Variants in SDK2 observed in about 807,000 individuals in gnomAD.
SDK2 encodes the protein protein sidekick-2.
SDK2 carries 105 observed loss-of-function variants against 253.9 expected under a neutral mutation model. That is an observed-to-expected ratio of 0.41 (90% confidence interval 0.35 to 0.49). The LOEUF (loss-of-function observed/expected upper bound fraction) is 0.49. Among genes scored for constraint, SDK2 ranks in the 20% least tolerant of loss-of-function variants. SDK2 has a pLI of 0.06. For synonymous variants in SDK2, 1,249 were observed against 1,234.9 expected (o/e 1.01, Z -0.24); for missense variants, 2,608 against 3,003.0 (o/e 0.87, Z 3.07).
At chr17:73,595,514 G>A (rs769232816) in intron 1 of SDK2, among the ~76,000 whole-genome samples, 4 of 152,138 alleles carry the variant, frequency 2.6e-5, no homozygotes, top group Admixed American at 6.5e-5. Context: ...ACCCAGCCTC[G>A]GGTCATCAGA....
intron 2 of SDK2, among the ~76,000 whole-genome samples, chr17:73,483,671 AT>A (rs2063747882): frequency 1.4e-5 from 1 of 70,690 alleles, no homozygotes; most frequent in Non-Finnish European, 2.5e-5. Context: ...GTATATATAT[AT>A]ATATATATAT....
chr17:73,452,136 C>T (rs1365558311), intron 4 of SDK2, among the ~76,000 whole-genome samples: 2 of 152,072 alleles, frequency 1.3e-5, no homozygotes, highest in South Asian at 2.1e-4. Flanking sequence ...GTGTCCAAAG[C>T]CCCCAGCATG....
At chr17:73,552,366 T>C (rs7225513) in intron 1 of SDK2, among the ~76,000 whole-genome samples, 1,588 of 152,322 alleles carry the variant, frequency 0.01, 34 homozygotes, top group African/African-American at 0.036. Context: ...TTATTATTCA[T>C]TTGTGAAACA....
intron 36 of SDK2, among the ~76,000 whole-genome samples, chr17:73,374,282 C>G (rs2062759143): frequency 6.9e-6 from 1 of 144,628 alleles, no homozygotes; most frequent in Non-Finnish European, 1.5e-5. Context: ...ACATGCATCT[C>G]TGACTCTGTT....
At chr17:73,558,525 T>G (rs2045180068) in intron 1 of SDK2, among the ~76,000 whole-genome samples, 1 of 152,058 alleles carries the variant, frequency 6.6e-6, no homozygotes, top group Non-Finnish European at 1.5e-5. Context: ...CATGGCACTT[T>G]AAAATGTTCA....
At chr17:73,482,143 C>T (rs1020493025) in intron 2 of SDK2, among the ~76,000 whole-genome samples, 2 of 152,072 alleles carry the variant, frequency 1.3e-5, no homozygotes, top group South Asian at 2.1e-4. Flanking sequence ...GGCATGGTGG[C>T]GTGTGCCTGT....
rs568752304 is a variant in SDK2 at position 73,541,133 on chromosome 17, G to T, written c.65-33536C>A. 1.3e-5 allele frequency among the ~76,000 whole-genome samples: 2 copies of T among 152,222 alleles called. No homozygotes were observed. The highest frequency in any genetic ancestry group is 4.8e-5 in the African/African-American group (2 of 41,450). ...CCCTCCCGCTACTCCTGGCCAAAGT[G>T]GTATGAGCACCCTCAGAGCAGCTGT... On this transcript the variant is annotated intron_variant, in intron 1 of 44. Coordinates refer to ENST00000392650, the MANE Select transcript of SDK2 (RefSeq NM_001144952.2). The surrounding 1 kb of genome is among the most constrained non-coding windows in gnomAD (Gnocchi z 4.3).
chr17:73,643,980 C>A lies in SDK2; in HGVS notation c.64+45G>T. The A allele has an allele frequency of 7.6e-7, 1 of 1,323,480 alleles. No individual in the cohort carries two copies. Among genetic ancestry groups the A allele is most frequent in the South Asian group, 1.3e-5 (1 of 78,404 alleles). The allele number at this position is 1,323,480 out of a possible 1,614,324, so 82.0% of individuals were successfully genotyped here. A position where few individuals can be genotyped will look rare whatever the true frequency, so the allele number is the denominator to read the frequency against. ...GCTCCCGCCGCCCCTCCCCCGCCCA[C>A]TCTCCCAGCCCCCTCCCTGTCCCCA... On this transcript the variant is annotated intron_variant, in intron 1 of 44. Coordinates refer to ENST00000392650, the MANE Select transcript of SDK2 (RefSeq NM_001144952.2). This position sits in a 1 kb window ranked among gnomAD's most constrained non-coding sequence, Gnocchi z 6.9.
In SDK2 at chr17:73,445,698, T is replaced by TGGCAGGCAGGCAGGCA. The variant is rs35240393; in HGVS notation, c.613+1901_613+1916dup. ...CGTCAATTGCTCCTCACAAATTGGT[T>TGGCAGGCAGGCAGGCA]GGCAGGCAGGCAGGCAGGCAGGCAG... is the stretch of plus-strand genomic sequence containing the variant. On this transcript the variant is annotated intron_variant, in intron 5 of 44. Coordinates refer to ENST00000392650, the MANE Select transcript of SDK2 (RefSeq NM_001144952.2). Among the ~76,000 whole-genome samples the TGGCAGGCAGGCAGGCA allele has an allele frequency of 1.7e-3, 262 of 151,336 alleles. 1 individual carries two copies. Among genetic ancestry groups the TGGCAGGCAGGCAGGCA allele is most frequent in the African/African-American group, 2.8e-3 (114 of 41,306 alleles).
intron 1 of SDK2, among the ~76,000 whole-genome samples, chr17:73,623,556 A>T (rs554044070): frequency 6.6e-6 from 1 of 152,196 alleles, no homozygotes; most frequent in Non-Finnish European, 1.5e-5. Flanking sequence ...AGGAAATAAG[A>T]TGGTACCCTA....
chr17:73,466,516 G>T (rs770457179), intron 3 of SDK2, among the ~76,000 whole-genome samples: 2 of 152,210 alleles, frequency 1.3e-5, no homozygotes, highest in African/African-American at 2.4e-5. Flanking sequence ...CCAGGCAGAA[G>T]AAGGTAGACA....
chr17:73,569,886 C>T (rs140266298), intron 1 of SDK2, among the ~76,000 whole-genome samples: 74 of 152,176 alleles, frequency 4.9e-4, no homozygotes, highest in African/African-American at 1.7e-3. Flanking sequence ...AGGAGCTACA[C>T]GGCTGTCACC....
At chr17:73,459,100 G>A (rs1261330222) in intron 3 of SDK2, among the ~76,000 whole-genome samples, 1 of 152,124 alleles carries the variant, frequency 6.6e-6, no homozygotes, top group East Asian at 1.9e-4. Context: ...TGGAGCCTTT[G>A]GTGGAGCTTC....
At chr17:73,620,001 C>G (rs2046108436) in intron 1 of SDK2, among the ~76,000 whole-genome samples, 1 of 152,080 alleles carries the variant, frequency 6.6e-6, no homozygotes, top group Non-Finnish European at 1.5e-5. Flanking sequence ...GAGTTCAAGA[C>G]CAGCCTGGGC....
intron 1 of SDK2, among the ~76,000 whole-genome samples, chr17:73,546,201 C>T (rs1199607548): frequency 6.6e-6 from 1 of 152,212 alleles, no homozygotes; most frequent in Non-Finnish European, 1.5e-5. Flanking sequence ...GGTGCCAGGG[C>T]AGGCGGAGGC....
chr17:73,412,094 G>GTA (rs1300596099), intron 18 of SDK2, among the ~76,000 whole-genome samples: 1 of 92,066 alleles, frequency 1.1e-5, no homozygotes, highest in Admixed American at 1.2e-4. Context: ...GTATATATAC[G>GTA]TATATATGTA....
Position 73,348,720 on chromosome 17 carries a change from G to A in SDK2, c.6044C>T (p.Pro2015Leu). The A allele has an allele frequency of 6.2e-7, 1 of 1,605,912 alleles. No individual in the cohort carries two copies. Among genetic ancestry groups the A allele is most frequent in the Non-Finnish European group, 8.5e-7 (1 of 1,178,748 alleles). Residue 2015 changes from proline (P) to leucine (L), a missense_variant, in exon 44 of 45, where the codon CCC becomes CTC. By Grantham distance (98) the Pro-to-Leu change is moderately conservative. Around this residue, in one of 2 missense-constraint regions of SDK2, gnomAD observed 1,103 missense variants for 1,143.9 expected, o/e 0.96. Coordinates refer to ENST00000392650, the MANE Select transcript of SDK2 (RefSeq NM_001144952.2). ...CRKNGLYTRSPPRPSPGSLHY... is the reference protein window; with the variant it reads ...CRKNGLYTRSLPRPSPGSLHY... ...CAGGCTGCCTGGGCTGGGCCTGGGG[G>A]GAGACCTGGAGAGAGCGGGGGAGTG...
rs1020857201 is a variant in SDK2, at chr17:73,456,108, T to C, written c.332-55A>G. On this transcript the variant is annotated intron_variant, in intron 3 of 44. Transcript: ENST00000392650. Reference sequence around the variant, plus strand: ...GGGGCGGGAGGTCAGCCTCAGGGACTGCCCAGCTCCCAGGTTGGGAGTGGT... The same window carrying C: ...GGGGCGGGAGGTCAGCCTCAGGGACCGCCCAGCTCCCAGGTTGGGAGTGGT... 2.8e-6 allele frequency: 4 copies of C among 1,418,082 alleles called. No homozygotes were observed. The African/African-American group carries it at 5.9e-5, about 21-fold the overall frequency. The allele number at this position is 1,418,082 out of a possible 1,614,324, so 87.8% of individuals were successfully genotyped here. A position where few individuals can be genotyped will look rare whatever the true frequency, so the allele number is the denominator to read the frequency against.
chr17:73,410,129 C>A (rs1018011502), intron 18 of SDK2, among the ~76,000 whole-genome samples: 7 of 152,140 alleles, frequency 4.6e-5, no homozygotes, highest in Non-Finnish European at 1.5e-5. Flanking sequence ...GTTGCGATTC[C>A]AGGCGTGAGC....
Sources: allele counts gnomAD v4.1 joint callset (sites outside exome capture counted in the v4.1 genomes callset), GRCh38; gene constraint gnomAD v4.1.1; regional missense constraint gnomAD v4.1.1; non-coding constraint Gnocchi (gnomAD v3.1); transcripts MANE v1.5; gene names NCBI Gene and HGNC (gene_info 2026-07-23, HGNC 2026-07-21).